IDUA: variants seen among roughly 807,000 people sequenced by gnomAD.
The protein encoded by IDUA is alpha-L-iduronidase, also known as iduronidase alpha-L-.
IDUA carries 65 observed loss-of-function variants against 68.9 expected under a neutral mutation model. That is an observed-to-expected ratio of 0.94 (90% CI 0.77 to 1.16). IDUA has a LOEUF of 1.16. IDUA is among the 50% of genes most tolerant of loss of function. The pLI, the probability that IDUA is intolerant of heterozygous loss-of-function variation, is 0.00. For missense variants in IDUA, 1,046 were observed against 938.0 expected, an observed-to-expected ratio of 1.12 and a Z score of -1.50; for synonymous variants, 529 against 433.6, an observed-to-expected ratio of 1.22 and a Z score of -2.73.
chr4:1,001,900 T>TCCGC lies in IDUA; in HGVS notation c.792+22_792+25dup. Reference sequence around the variant, plus strand: ...CAGGAAGGTGCGCCCTGCCCCTCCGTCCGCCCCGGTGTTCTGCGCCCTCAG... The same window carrying TCCGC: ...CAGGAAGGTGCGCCCTGCCCCTCCGTCCGCCCGCCCCGGTGTTCTGCGCCCTCAG... On this transcript the variant is annotated intron_variant, in intron 6 of 13. Coordinates refer to ENST00000514224, the MANE Select transcript of IDUA (RefSeq NM_000203.5). The TCCGC allele has an allele frequency of 6.4e-7, 1 of 1,570,802 alleles. No individual in the cohort carries two copies. Among genetic ancestry groups the TCCGC allele is most frequent in the Non-Finnish European group, 8.6e-7 (1 of 1,159,706 alleles).
rs1715065950 is a variant in IDUA, at chr4:1,001,449, C to T, written c.494-19C>T. 2.5e-6 allele frequency: 4 copies of T among 1,607,518 alleles called. No individual in the cohort carries two copies. Among genetic ancestry groups the T allele is most frequent in the Middle Eastern group, 1.6e-4 (1 of 6,076 alleles). On this transcript the variant is annotated intron_variant, in intron 4 of 13. Coordinates refer to ENST00000514224, the MANE Select transcript of IDUA (RefSeq NM_000203.5). ...GCGAGATTCACCTGTGCTGGGGGGA[C>T]AGCAAGGCTCCTCTGCAGGTAGGTA...
At chr4:987,984 C>T in intron 2 of IDUA, 35 bp downstream of exon 2, 1 of 1,542,600 alleles carries the variant, frequency 6.5e-7, no homozygotes, top group South Asian at 1.2e-5. Flanking sequence ...GTCCCAGAGC[C>T]CCTTACAGAG....
Position 1,004,321 on chromosome 4 carries a change from C to T in IDUA, c.1890C>T (p.Gly630=). The T allele has an allele frequency of 1.2e-6, 2 of 1,611,686 alleles. No individual in the cohort carries two copies. The highest frequency in any genetic ancestry group is 1.7e-6 in the Non-Finnish European group (2 of 1,179,886). Residue 630 remains glycine (G), a synonymous_variant, in exon 14 of 14, where the codon GGC becomes GGT. Coordinates refer to ENST00000514224, the MANE Select transcript of IDUA (RefSeq NM_000203.5). The surrounding 1 kb of genome is among the most constrained non-coding windows in gnomAD (Gnocchi z 5.0). ...CCCTGGACTACTGGGCCCGACCAGG[C>T]CCCTTCTCGGACCCTGTGCCGTACC... ...VRALDYWARP[G]PFSDPVPYLE... is the part of the protein sequence containing the mutation.
At chr4:995,430 G>A (rs554244449) in intron 2 of IDUA, among the ~76,000 whole-genome samples, 59 of 152,270 alleles carry the variant, frequency 3.9e-4, no homozygotes, top group African/African-American at 5.1e-4. Context: ...GAGCCTGCAC[G>A]GGGCACCTGT....
intron 2 of IDUA, chr4:989,295 A>C: frequency 6.2e-7 from 1 of 1,612,532 alleles, no homozygotes; most frequent in Non-Finnish European, 8.5e-7. Context: ...CCTTGTTGGC[A>C]TAGTACAGCG....
At position 1,002,045 on chromosome 4, in the gene IDUA, C is replaced by G. The variant is rs1470088682; in HGVS notation, c.856C>G (p.Leu286Val). 1.9e-6 allele frequency: 3 copies of G among 1,598,194 alleles called. No individual in the cohort carries two copies. The South Asian group carries it at 3.4e-5, about 18-fold the overall frequency. The change falls in exon 7 of 14, where the codon CTC becomes GTC. Residue 286 changes from leucine to valine, a missense_variant. By Grantham distance (32) the Leu-to-Val change is conservative (BLOSUM62 1). Coordinates refer to ENST00000514224, the MANE Select transcript of IDUA (RefSeq NM_000203.5). ...GGTCGTCGCGCAGCAGATCCGGCAG[C>G]TCTTCCCCAAGTTCGCGGACACCCC... ...EKVVAQQIRQ[L>V]FPKFADTPIY...
chr4:999,551 G>A (rs564509864), intron 2 of IDUA, among the ~76,000 whole-genome samples: 3 of 152,360 alleles, frequency 2.0e-5, no homozygotes, highest in South Asian at 2.1e-4. Context: ...ACTCCCTGTC[G>A]TATCCCCTTC....
Position 987,210 on chromosome 4 carries a change from C to T in IDUA, c.126C>T (p.Pro42=). The T allele has an allele frequency of 6.7e-7, 1 of 1,492,372 alleles. No homozygotes were observed. Among genetic ancestry groups the T allele is most frequent in the Non-Finnish European group, 8.9e-7 (1 of 1,128,268 alleles). 92.4% of individuals were successfully genotyped at this position (1,492,372 alleles called of 1,614,324 possible). ...TGGACGCGGCCCGCGCGCTGTGGCCCCTGCGGCGCTTCTGGAGGAGCACAG... is the reference window on the plus strand; with the variant it reads ...TGGACGCGGCCCGCGCGCTGTGGCCTCTGCGGCGCTTCTGGAGGAGCACAG... ...VHVDAARALW[P]LRRFWRSTGF... The change falls in exon 1 of 14, where the codon CCC becomes CCT. Residue 42 remains proline, a synonymous_variant. Coordinates refer to ENST00000514224, the MANE Select transcript of IDUA (RefSeq NM_000203.5).
chr4:998,449 G>A (rs1714874520), intron 2 of IDUA, among the ~76,000 whole-genome samples: 1 of 152,146 alleles, frequency 6.6e-6, no homozygotes, highest in Admixed American at 6.5e-5. Flanking sequence ...TGCAGATGCG[G>A]CACAAAGCCA....
intron 4 of IDUA, 35 bp downstream of exon 4, chr4:1,001,024 G>C: frequency 6.8e-7 from 1 of 1,480,458 alleles, no homozygotes; most frequent in Non-Finnish European, 9.4e-7. Flanking sequence ...CCTGGCCGGG[G>C]CGGGGGTACT....
rs779159727 is a variant in IDUA, at chr4:1,003,067, C to A, written c.1434C>A (p.Asn478Lys). 2 of 1,520,628 alleles carry A rather than the reference C, an allele frequency of 1.3e-6. No individual in the cohort carries two copies. The highest frequency in any genetic ancestry group is 2.4e-5 in the South Asian group (2 of 81,766). The allele number at this position is 1,520,628 out of a possible 1,614,324, so 94.2% of individuals were successfully genotyped here. ...GLVYVTRYLD[N>K]GLCSPDGEWR... Reference sequence around the variant, plus strand: ...TCTACGTCACGCGCTACCTGGACAACGGGCTCTGCAGCCCCGACGGCGAGT... The same window carrying A: ...TCTACGTCACGCGCTACCTGGACAAAGGGCTCTGCAGCCCCGACGGCGAGT... The change falls in exon 10 of 14, where the codon AAC (asparagine) becomes AAA (lysine). Residue 478 changes from asparagine to lysine, a missense_variant. Coordinates refer to ENST00000514224, the MANE Select transcript of IDUA (RefSeq NM_000203.5).
chr4:988,222 CTG>C (rs1197961402), intron 2 of IDUA: 22 of 1,316,168 alleles, frequency 1.7e-5, no homozygotes, highest in Non-Finnish European at 1.7e-5. Context: ...GTGAGCATCC[CTG>C]TGTGTGTCTG....
At chr4:987,995 G>A (rs1227706592) in intron 2 of IDUA, 46 bp downstream of exon 2, 1 of 1,532,268 alleles carries the variant, frequency 6.5e-7, no homozygotes, top group Admixed American at 2.0e-5. Context: ...CCTTACAGAG[G>A]CACAGATGGG....
In IDUA at chr4:1,003,356, C is replaced by T. The variant is rs1392263774; in HGVS notation, c.1536C>T (p.Ala512=). 5 of 1,457,882 alleles carry T rather than the reference C, an allele frequency of 3.4e-6. 1 individual carries two copies. In the South Asian group the frequency reaches 4.0e-5, roughly 12 times the overall value. 90.3% of individuals were successfully genotyped at this position (1,457,882 alleles called of 1,614,324 possible). The change falls in exon 11 of 14, where the codon GCC becomes GCT. Residue 512 remains alanine, a synonymous_variant. Coordinates refer to ENST00000514224, the MANE Select transcript of IDUA (RefSeq NM_000203.5). ...RRMRAAEDPV[A]AAPRPLPAGG... is the part of the protein sequence containing the mutation. ...GCCACTGCGCCCAGGACCCGGTGGC[C>T]GCGGCGCCCCGCCCCTTACCCGCCG... is the stretch of plus-strand genomic sequence containing the variant.
chr4:994,425 G>A (rs1018141777), intron 2 of IDUA, among the ~76,000 whole-genome samples: 17 of 151,558 alleles, frequency 1.1e-4, no homozygotes, highest in African/African-American at 2.2e-4. Flanking sequence ...ACAGGCGCCC[G>A]CCACCGCGCC....
rs1577541175 is a variant in IDUA, at chr4:1,002,364, C to A, written c.1068C>A (p.His356Gln). ...ACGACAATGCCTTCCTGAGCTACCA[C>A]CCGCACCCCTTCGCGCAGCGCACGC... Reference protein sequence around the residue: ...LSNDNAFLSYHPHPFAQRTLT... With the variant: ...LSNDNAFLSYQPHPFAQRTLT... Residue 356 changes from histidine to glutamine, a missense_variant, in exon 8 of 14, where the codon CAC (histidine) becomes CAA (glutamine). By Grantham distance (24) the His-to-Gln change is conservative. Transcript: ENST00000514224. The A allele has an allele frequency of 6.2e-7, 1 of 1,612,838 alleles. No homozygotes were observed. The highest frequency in any genetic ancestry group is 8.5e-7 in the Non-Finnish European group (1 of 1,179,606).
At chr4:1,003,830 T>G in intron 12 of IDUA, 182 bp from the exon 13 acceptor site, 1 of 781,068 alleles carries the variant, frequency 1.3e-6, no homozygotes, top group Non-Finnish European at 2.2e-6. Context: ...CTAGGGGACA[T>G]GAGATGGACA....
rs1024506366 is a variant in IDUA at position 990,439 on chromosome 4, G to T, written c.299+2490G>T. ...CCCTCACCAGCACCTGGCATGGCCC[G>T]AGGGGTGGTGGTCACGGCACAGGAC... On this transcript the variant is annotated intron_variant, in intron 2 of 13. Transcript: ENST00000514224. The T allele has an allele frequency of 2.2e-5, 30 of 1,386,236 alleles. No individual in the cohort carries two copies. The African/African-American group carries it at 4.2e-4, about 19-fold the overall frequency. 85.9% of individuals were successfully genotyped at this position (1,386,236 alleles called of 1,614,324 possible). A position where few individuals can be genotyped will look rare whatever the true frequency, so the allele number is the denominator to read the frequency against.
chr4:991,152 G>C, intron 2 of IDUA: 1 of 1,552,928 alleles, frequency 6.4e-7, no homozygotes, highest in Non-Finnish European at 8.7e-7. Context: ...TCATCAGCGT[G>C]AGGGCGGTGG....
Sources: gnomAD v4.1 joint callset for allele counts (sites outside exome capture counted in the v4.1 genomes callset) on GRCh38, gnomAD v4.1.1 for gene constraint, Gnocchi (gnomAD v3.1) non-coding constraint, MANE v1.5 for transcripts, NCBI Gene and HGNC (gene_info 2026-07-23, HGNC 2026-07-21) for gene names.